RNF130: variants seen among roughly 807,000 people sequenced by gnomAD.
The protein encoded by RNF130 is E3 ubiquitin-protein ligase RNF130.
A neutral mutation model predicts 44.6 loss-of-function variants in RNF130; 21 were observed. The ratio of observed to expected loss-of-function variants is 0.47; its 90% CI spans 0.33 to 0.68. The LOEUF is 0.68. Ranked by LOEUF, RNF130 falls within the 30% of genes least tolerant of loss-of-function variation. The probability of loss-of-function intolerance (pLI) is 0.02; values close to 1 mark genes in which losing one functional copy is unlikely to be tolerated. For synonymous variants in RNF130, 214 were observed against 210.4 expected, an observed-to-expected ratio of 1.02 and a Z score of -0.15; for missense variants, 479 against 560.6, an observed-to-expected ratio of 0.85 and a Z score of 1.47.
At chr5:180,064,762 TG>T (rs551137041) in intron 1 of RNF130, among the ~76,000 whole-genome samples, 143 of 152,384 alleles carry the variant, frequency 9.4e-4, no homozygotes, top group Non-Finnish European at 1.8e-3. Flanking sequence ...CATCTGTGTT[TG>T]TAGAGTCTCA....
chr5:180,036,817 T>C (rs1265573593), intron 2 of RNF130, among the ~76,000 whole-genome samples: 1 of 143,534 alleles, frequency 7.0e-6, no homozygotes, highest in African/African-American at 2.6e-5. Context: ...ACAAAGAATA[T>C]AATGTCTGTC....
chr5:179,968,047 G>A (rs1356171237), intron 6 of RNF130, among the ~76,000 whole-genome samples: 2 of 152,204 alleles, frequency 1.3e-5, no homozygotes, highest in Non-Finnish European at 2.9e-5. Flanking sequence ...TGTAATCCCA[G>A]CACTTTGGGA....
In RNF130 at chr5:180,015,157, A is replaced by G. The variant is rs971905227; in HGVS notation, c.443-1846T>C. On this transcript the variant is annotated intron_variant, in intron 2 of 8. Coordinates refer to ENST00000521389, the MANE Select transcript of RNF130 (RefSeq NM_018434.6). ...AAACTATAAAATTAAAGCAAGCAAT[A>G]AACATCTAATTAATATCTAATTACC... 6 of 255,688 alleles carry G rather than the reference A, an allele frequency of 2.3e-5. No homozygotes were observed. The Admixed American group carries it at 2.5e-4, about 11-fold the overall frequency. 15.8% of individuals were successfully genotyped at this position (255,688 alleles called of 1,614,324 possible).
At position 180,062,862 on chromosome 5, in the gene RNF130, A is replaced by G. The variant is rs535294879; in HGVS notation, c.247+8594T>C. On this transcript the variant is annotated intron_variant, in intron 1 of 8. Transcript: ENST00000521389. ...CTAAGATTCTCAATCTGTCCCGTTAACTGGCCATTTTACAGAACCCAAGAA... is the reference window on the plus strand; with the variant it reads ...CTAAGATTCTCAATCTGTCCCGTTAGCTGGCCATTTTACAGAACCCAAGAA... Among the ~76,000 whole-genome samples the G allele has an allele frequency of 2.6e-5, 4 of 152,322 alleles. No individual in the cohort carries two copies. The South Asian group carries it at 8.3e-4, about 32-fold the overall frequency.
intron 5 of RNF130, among the ~76,000 whole-genome samples, chr5:179,973,918 C>T (rs766855885): frequency 1.2e-4 from 18 of 152,052 alleles, no homozygotes; most frequent in Non-Finnish European, 2.4e-4. Flanking sequence ...GGATACAGAA[C>T]GAGAAACAAA....
Position 179,970,463 on chromosome 5 carries a change from G to A in RNF130, c.892C>T (p.His298Tyr). 6.2e-7 allele frequency: 1 copy of A among 1,613,726 alleles called. No individual in the cohort carries two copies. Among genetic ancestry groups the A allele is most frequent in the Non-Finnish European group, 8.5e-7 (1 of 1,179,806 alleles). ...KSCVDPWLSE[H>Y]CTCPMCKLNI... ...AGTTTGCACATAGGACAGGTACAAT[G>A]TTCACTAAGCCAGGGATCCACGCAG... Residue 298 changes from histidine to tyrosine, a missense_variant, in exon 6 of 9, where the codon CAT (histidine) becomes TAT (tyrosine). This residue lies in a region of RNF130 where 161 missense variants were observed against 158.6 expected (regional missense o/e 1.02). Coordinates refer to ENST00000521389, the MANE Select transcript of RNF130 (RefSeq NM_018434.6).
In RNF130 at chr5:179,994,817, G is replaced by A. The variant is rs1032340583; in HGVS notation, c.694-14617C>T. Among the ~76,000 whole-genome samples, 7 of 152,238 alleles carry A rather than the reference G, an allele frequency of 4.6e-5. No homozygotes were observed. In the East Asian group the frequency reaches 1.4e-3, roughly 29 times the overall value. On this transcript the variant is annotated intron_variant, in intron 3 of 8. Coordinates refer to ENST00000521389, the MANE Select transcript of RNF130 (RefSeq NM_018434.6). Reference sequence around the variant, plus strand: ...TGGGTCAACCTCCAGGCCAGCAGGTGGTAGTTGCAGGTCACAGCTGGCTAC... The same window carrying A: ...TGGGTCAACCTCCAGGCCAGCAGGTAGTAGTTGCAGGTCACAGCTGGCTAC...
chr5:180,039,410 T>TATTTTAATTTTTTA (rs1764353427), intron 2 of RNF130, among the ~76,000 whole-genome samples: 3 of 152,150 alleles, frequency 2.0e-5, no homozygotes, highest in African/African-American at 7.2e-5. Context: ...CTAATTTTTT[T>TATTTTAATTTTTTA]ATTTTTAGTA....
intron 2 of RNF130, among the ~76,000 whole-genome samples, chr5:180,015,724 GGAAAGGAGTAGGAAAAGGAGTA>G (rs1276157015): frequency 1.7e-5 from 2 of 116,572 alleles, no homozygotes; most frequent in African/African-American, 3.2e-5. Flanking sequence ...GAAAGGAGTA[GGAAAGGAGTAGGAAAAGGAGTA>G]GGAAAGGAGT....
intron 2 of RNF130, among the ~76,000 whole-genome samples, chr5:180,035,701 G>C (rs1764233624): frequency 6.6e-6 from 1 of 152,168 alleles, no homozygotes; most frequent in Non-Finnish European, 1.5e-5. Context: ...TGGTGTGTCT[G>C]ACAGTGTCCC....
At chr5:180,000,053 T>C (rs901202289) in intron 3 of RNF130, among the ~76,000 whole-genome samples, 1 of 152,238 alleles carries the variant, frequency 6.6e-6, no homozygotes, top group Non-Finnish European at 1.5e-5. Flanking sequence ...TCCTGCATGT[T>C]TTCCTGGTAG....
chr5:179,975,661 C>T (rs1380178589), intron 5 of RNF130, among the ~76,000 whole-genome samples: 1 of 152,082 alleles, frequency 6.6e-6, no homozygotes, highest in East Asian at 1.9e-4. Context: ...CGCTCAGTTC[C>T]ACAGCAACAG....
intron 1 of RNF130, among the ~76,000 whole-genome samples, chr5:180,051,851 T>C (rs1216284448): frequency 1.3e-5 from 2 of 152,192 alleles, no homozygotes; most frequent in Non-Finnish European, 2.9e-5. Context: ...ATTTCAAAAA[T>C]AATAATTTCT....
chr5:180,067,555 C>T (rs1765136496), intron 1 of RNF130, among the ~76,000 whole-genome samples: 1 of 151,784 alleles, frequency 6.6e-6, no homozygotes, highest in African/African-American at 2.4e-5. Context: ...TATTTATAGG[C>T]TAATGGAAAT....
intron 3 of RNF130, among the ~76,000 whole-genome samples, chr5:179,981,885 T>C (rs1762848974): frequency 6.6e-6 from 1 of 152,216 alleles, no homozygotes; most frequent in Non-Finnish European, 1.5e-5. Context: ...GAGATATAAT[T>C]GACTTAAAAT....
At chr5:179,957,077 G>A (rs896601192) in intron 8 of RNF130, among the ~76,000 whole-genome samples, 1 of 152,086 alleles carries the variant, frequency 6.6e-6, no homozygotes, top group Admixed American at 6.6e-5. Context: ...AATTTTTAGG[G>A]GTAATTTAGT....
intron 3 of RNF130, among the ~76,000 whole-genome samples, chr5:180,010,671 C>G (rs149268292): frequency 6.6e-6 from 1 of 152,246 alleles, no homozygotes; most frequent in African/African-American, 2.4e-5. Flanking sequence ...ATGATTCCAC[C>G]TATTTAACAT....
At chr5:179,918,906 G>C (rs188071346) in exon 8 of RNF130, 1 of 152,218 alleles carries the variant, frequency 6.6e-6, no homozygotes, top group Non-Finnish European at 1.5e-5. Context: ...CACTTTAGGA[G>C]AAGCTGCACG....
chr5:180,019,923 A>C (rs555624860), intron 2 of RNF130, among the ~76,000 whole-genome samples: 30 of 152,314 alleles, frequency 2.0e-4, no homozygotes, highest in African/African-American at 7.2e-4. Flanking sequence ...GACCCAGTGA[A>C]ACTGTTGGGC....
Sources: allele counts gnomAD v4.1 joint callset (sites outside exome capture counted in the v4.1 genomes callset), GRCh38; gene constraint gnomAD v4.1.1; regional missense constraint gnomAD v4.1.1; transcripts MANE v1.5; gene names NCBI Gene and HGNC (gene_info 2026-07-23, HGNC 2026-07-21).